The following AFF1 variants were observed in gnomAD, a reference collection of about 807,000 sequenced individuals.
The protein encoded by AFF1 is ALF transcription elongation factor 1, also known as AF4/FMR2 family member 1.
A neutral mutation model predicts 121.7 loss-of-function variants in AFF1; 48 were observed. The observed-to-expected ratio is 0.39, with a 90% CI of 0.31 to 0.50. AFF1 has a LOEUF of 0.50. AFF1 is among the 20% of genes least tolerant of loss of function. The pLI is 0.76. For missense variants in AFF1, 1,523 were observed against 1,511.7 expected, an observed-to-expected ratio of 1.01 and a Z score of -0.12; for synonymous variants, 613 against 563.0, an observed-to-expected ratio of 1.09 and a Z score of -1.26.
intron 4 of AFF1, among the ~76,000 whole-genome samples, chr4:87,081,395 C>T (rs763238298): frequency 6.6e-6 from 1 of 152,096 alleles, no homozygotes; most frequent in Non-Finnish European, 1.5e-5. Flanking sequence ...ATCTCTTGAC[C>T]TCCTGATCCA....
At chr4:87,002,452 G>C (rs1404795567) in intron 2 of AFF1, among the ~76,000 whole-genome samples, 1 of 98,434 alleles carries the variant, frequency 1.0e-5, no homozygotes, top group Admixed American at 1.5e-4. Flanking sequence ...TTTTTTTTGA[G>C]ATGGTGTCTC....
intron 2 of AFF1, among the ~76,000 whole-genome samples, chr4:87,031,916 G>A (rs890009131): frequency 3.9e-5 from 6 of 152,204 alleles, no homozygotes; most frequent in Non-Finnish European, 8.8e-5. Context: ...AATTTTTAGC[G>A]TTGGCTGAAG....
At position 87,115,311 on chromosome 4, in the gene AFF1, G is replaced by T. The variant is rs748928974; in HGVS notation, c.2466+12G>T. 6.4e-7 allele frequency: 1 copy of T among 1,569,296 alleles called. No individual in the cohort carries two copies. The highest frequency in any genetic ancestry group is 1.9e-5 in the Admixed American group (1 of 53,698). ...CCAAAAAGAGAAAGGTGAGTGTGGG[G>T]AGACTGCCCTGACTCCAGCGTGGAC... On this transcript the variant is annotated intron_variant, in intron 12 of 20. Coordinates refer to ENST00000395146, the MANE Select transcript of AFF1 (RefSeq NM_001166693.3).
intron 16 of AFF1, among the ~76,000 whole-genome samples, chr4:87,128,954 T>C (rs920319148): frequency 7.2e-5 from 11 of 152,252 alleles, no homozygotes; most frequent in Admixed American, 2.6e-4. Context: ...CAGCCAGTTA[T>C]CTAAAACTTA....
intron 2 of AFF1, among the ~76,000 whole-genome samples, chr4:87,026,595 G>T (rs2149573529): frequency 6.6e-6 from 1 of 152,290 alleles, no homozygotes; most frequent in African/African-American, 2.4e-5. Flanking sequence ...AGTTGGAGGT[G>T]AGGAGGGCCC....
chr4:86,981,459 C>A (rs1723752286), intron 2 of AFF1, among the ~76,000 whole-genome samples: 3 of 152,006 alleles, frequency 2.0e-5, no homozygotes, highest in Non-Finnish European at 2.9e-5. Flanking sequence ...TCTCCACTTC[C>A]CAGGTTCAAG....
chr4:87,052,183 G>T (rs1301961427), intron 4 of AFF1, among the ~76,000 whole-genome samples: 1 of 152,138 alleles, frequency 6.6e-6, no homozygotes, highest in Non-Finnish European at 1.5e-5. Context: ...CGAGGTGGGA[G>T]GATCACTCCT....
intron 2 of AFF1, among the ~76,000 whole-genome samples, chr4:86,974,912 A>G (rs112277715): frequency 4.6e-5 from 7 of 152,232 alleles, no homozygotes; most frequent in African/African-American, 1.7e-4. Flanking sequence ...CTTTCATCTT[A>G]TGAGTGATAT....
chr4:87,078,105 C>T (rs1251750267), intron 4 of AFF1, among the ~76,000 whole-genome samples: 1 of 152,172 alleles, frequency 6.6e-6, no homozygotes. Flanking sequence ...GTGCCTATTT[C>T]CCCATGTCTA....
At chr4:87,034,807 A>ACAG (rs1729402858) in intron 2 of AFF1, among the ~76,000 whole-genome samples, 1 of 103,306 alleles carries the variant, frequency 9.7e-6, no homozygotes, top group East Asian at 2.8e-4. Flanking sequence ...TTAGGTATCA[A>ACAG]TGAGTCACAT....
chr4:87,117,562 G>A (rs1480917200), intron 12 of AFF1, among the ~76,000 whole-genome samples: 1 of 152,180 alleles, frequency 6.6e-6, no homozygotes, highest in Non-Finnish European at 1.5e-5. Flanking sequence ...AAGCAGAGCC[G>A]TACTGCAGGG....
chr4:87,116,155 A>C lies in AFF1; in HGVS notation c.2466+856A>C, dbSNP rs371656848. ...CTAACATGTGGTTAGTGTCTCATTG[A>C]GTAATATAGGCTGATAATGGCACGT... On this transcript the variant is annotated intron_variant, in intron 12 of 20. Transcript: ENST00000395146. Among the ~76,000 whole-genome samples the C allele has an allele frequency of 5.3e-5, 8 of 152,318 alleles. No individual in the cohort carries two copies. The East Asian group carries it at 1.5e-3, about 29-fold the overall frequency.
chr4:87,064,526 G>A (rs1465578749), intron 4 of AFF1, among the ~76,000 whole-genome samples: 1 of 152,126 alleles, frequency 6.6e-6, no homozygotes, highest in African/African-American at 2.4e-5. Flanking sequence ...AGGATTCCTC[G>A]AGCCCAGGAG....
Position 87,131,786 on chromosome 4 carries a change from C to T in AFF1, c.3102-7C>T, listed in dbSNP as rs1422358496. On this transcript the variant is annotated splice_region_variant and splice_polypyrimidine_tract_variant and intron_variant, in intron 17 of 20. Coordinates refer to ENST00000395146, the MANE Select transcript of AFF1 (RefSeq NM_001166693.3). ...AAAACCTGATGTACTTTTATATTTT[C>T]CTATAGATTCATAATGTCATTAAAA... 3 of 1,586,400 alleles carry T rather than the reference C, an allele frequency of 1.9e-6. No individual in the cohort carries two copies. Among genetic ancestry groups the T allele is most frequent in the African/African-American group, 1.4e-5 (1 of 73,822 alleles).
chr4:87,095,177 G>A (rs1724708390), intron 8 of AFF1, among the ~76,000 whole-genome samples: 1 of 152,186 alleles, frequency 6.6e-6, no homozygotes. Flanking sequence ...GGAGTGCAGT[G>A]GCATGATCTC....
intron 2 of AFF1, among the ~76,000 whole-genome samples, chr4:86,996,153 A>T (rs553204878): frequency 3.6e-5 from 5 of 140,212 alleles, no homozygotes; most frequent in South Asian, 2.3e-4. Flanking sequence ...GGTGAGGGGC[A>T]CCTCTGCCCG....
In AFF1 at chr4:87,136,040, TGAG is replaced by T. The variant is rs1487626431; in HGVS notation, c.*343_*345del. On this transcript the variant is annotated 3_prime_UTR_variant, in exon 21 of 21. Transcript: ENST00000395146. Reference sequence around the variant, plus strand: ...AGCAGGATACAAGTTGCAAATGAAATGAGGAGAAACAGTTTCAACTCTGAAAGT... The same window carrying T: ...AGCAGGATACAAGTTGCAAATGAAATGAGAAACAGTTTCAACTCTGAAAGT... The T allele has an allele frequency of 1.9e-5, 5 of 260,516 alleles. No individual in the cohort carries two copies. Among genetic ancestry groups the T allele is most frequent in the Middle Eastern group, 1.1e-3 (1 of 934 alleles). 16.1% of individuals were successfully genotyped at this position (260,516 alleles called of 1,614,324 possible).
chr4:87,025,702 C>T (rs533774291), intron 2 of AFF1, among the ~76,000 whole-genome samples: 3 of 152,284 alleles, frequency 2.0e-5, no homozygotes, highest in South Asian at 2.1e-4. Context: ...ATGCTGCTAA[C>T]GTCCTGCAAT....
chr4:87,109,740 T>C (rs1186828733), intron 11 of AFF1, among the ~76,000 whole-genome samples: 3 of 152,252 alleles, frequency 2.0e-5, no homozygotes, highest in African/African-American at 7.2e-5. Context: ...GTCTGGCGTT[T>C]GTAGTAATGA....
Sources: gnomAD v4.1 joint callset for allele counts (sites outside exome capture counted in the v4.1 genomes callset) on GRCh38, gnomAD v4.1.1 for gene constraint, MANE v1.5 for transcripts, NCBI Gene and HGNC (gene_info 2026-07-23, HGNC 2026-07-21) for gene names.